Variants in SLC25A37 observed in about 807,000 individuals in gnomAD.
SLC25A37 encodes the protein mitoferrin-1.
In SLC25A37, 17 loss-of-function variants were observed where a neutral mutation model predicts 31.0. The observed-to-expected ratio is 0.55, with a 90% CI of 0.38 to 0.82. SLC25A37 has a LOEUF of 0.82. Among genes scored for constraint, SLC25A37 ranks in the 40% least tolerant of loss-of-function variants. The pLI is 0.00. For synonymous variants in SLC25A37, 222 were observed against 193.0 expected (o/e 1.15, Z -1.24); for missense variants, 404 against 465.8 (o/e 0.87, Z 1.22).
chr8:23,532,075 T>A (rs559480418), intron 1 of SLC25A37: 2 of 152,194 alleles, frequency 1.3e-5, no homozygotes, highest in African/African-American at 4.8e-5. Context: ...CAAACAAATA[T>A]GAAAACCACT....
In SLC25A37 at chr8:23,573,858, C is replaced by T. The variant is rs1245309109; in HGVS notation, c.*2003C>T. On this transcript the variant is annotated 3_prime_UTR_variant, in exon 4 of 4. Coordinates refer to ENST00000519973, the MANE Select transcript of SLC25A37 (RefSeq NM_016612.4). ...CCCCAAAACCAGTTGCAGCCTCAAC[C>T]CACATGGGGATGTAGAAAGCCGTAA... The T allele has an allele frequency of 2.2e-6, 1 of 456,586 alleles. No individual in the cohort carries two copies. Among genetic ancestry groups the T allele is most frequent in the African/African-American group, 2.0e-5 (1 of 50,074 alleles). 28.3% of individuals were successfully genotyped at this position (456,586 alleles called of 1,614,324 possible). A position where few individuals can be genotyped will look rare whatever the true frequency, so the allele number is the denominator to read the frequency against.
At chr8:23,547,707 C>T (rs1802105107) in intron 1 of SLC25A37, among the ~76,000 whole-genome samples, 1 of 152,212 alleles carries the variant, frequency 6.6e-6, no homozygotes, top group African/African-American at 2.4e-5. Context: ...GCCCATGTAC[C>T]ATGTTGGGCC....
At chr8:23,539,374 C>T (rs748329953) in intron 1 of SLC25A37, among the ~76,000 whole-genome samples, 9 of 152,136 alleles carry the variant, frequency 5.9e-5, no homozygotes, top group African/African-American at 9.7e-5. Context: ...TGGCTGGCCA[C>T]GTGGTCTGTG....
chr8:23,533,097 T>G (rs1801693975), intron 1 of SLC25A37, among the ~76,000 whole-genome samples: 1 of 152,212 alleles, frequency 6.6e-6, no homozygotes, highest in Non-Finnish European at 1.5e-5. Context: ...AAGGCGAATT[T>G]GGAACGAGGA....
At chr8:23,561,969 A>G (rs1802527310) in intron 1 of SLC25A37, among the ~76,000 whole-genome samples, 1 of 152,202 alleles carries the variant, frequency 6.6e-6, no homozygotes, top group South Asian at 2.1e-4. Flanking sequence ...CAGAGCCAGC[A>G]TCAGGTCCAA....
chr8:23,557,634 C>A (rs577763096), intron 1 of SLC25A37, among the ~76,000 whole-genome samples: 184 of 152,214 alleles, frequency 1.2e-3, no homozygotes, highest in African/African-American at 4.2e-3. Flanking sequence ...CAGCAGACCC[C>A]AGTGAAGCAG....
chr8:23,541,044 T>C (rs1042061670), intron 1 of SLC25A37, among the ~76,000 whole-genome samples: 2 of 152,210 alleles, frequency 1.3e-5, no homozygotes, highest in Non-Finnish European at 2.9e-5. Context: ...GCACTTAACC[T>C]CTCTCCTTAC....
chr8:23,550,158 G>A (rs1802182583), intron 1 of SLC25A37, among the ~76,000 whole-genome samples: 1 of 116,882 alleles, frequency 8.6e-6, no homozygotes, highest in Non-Finnish European at 1.6e-5. Context: ...TCCAGCCTGG[G>A]CAACAAGAGC....
intron 2 of SLC25A37, chr8:23,566,653 G>A: frequency 9.3e-7 from 1 of 1,079,478 alleles, no homozygotes; most frequent in South Asian, 3.0e-5. Flanking sequence ...ACATTCAAAA[G>A]CAATTAATGA....
At chr8:23,534,845 A>T (rs980186777) in intron 1 of SLC25A37, among the ~76,000 whole-genome samples, 1 of 152,138 alleles carries the variant, frequency 6.6e-6, no homozygotes, top group Non-Finnish European at 1.5e-5. Flanking sequence ...GTCTGCTCTC[A>T]TCTTTATCTT....
At chr8:23,542,833 C>T (rs1801933339) in intron 1 of SLC25A37, among the ~76,000 whole-genome samples, 1 of 151,858 alleles carries the variant, frequency 6.6e-6, no homozygotes, top group South Asian at 2.1e-4. Context: ...GATCCTGACC[C>T]TCTGTAAGCC....
intron 1 of SLC25A37, among the ~76,000 whole-genome samples, chr8:23,532,224 C>T (rs191832599): frequency 1.1e-4 from 17 of 152,300 alleles, no homozygotes; most frequent in Non-Finnish European, 2.4e-4. Context: ...GGGATGTGAG[C>T]ACTCATTCAT....
intron 1 of SLC25A37, among the ~76,000 whole-genome samples, chr8:23,559,335 G>A (rs115474961): frequency 1.3e-5 from 2 of 150,256 alleles, no homozygotes; most frequent in Non-Finnish European, 3.0e-5. Flanking sequence ...CTCTGTCTCC[G>A]GTTGTGTGTG....
intron 1 of SLC25A37, among the ~76,000 whole-genome samples, chr8:23,541,064 C>T (rs1276547041): frequency 6.6e-6 from 1 of 152,196 alleles, no homozygotes; most frequent in Non-Finnish European, 1.5e-5. Flanking sequence ...CAGTGTCTCC[C>T]ATCTGTTGAG....
Position 23,571,462 on chromosome 8 carries a change from C to T in SLC25A37, c.624C>T (p.Asn208=). ...YRSYTTQLTM[N]IPFQSIHFIT... ...GCTACACCACGCAGCTGACCATGAA[C>T]ATCCCCTTCCAGTCCATCCACTTCA... is the stretch of plus-strand genomic sequence containing the variant. Residue 208 remains asparagine, a synonymous_variant, in exon 4 of 4, where the codon AAC becomes AAT. Transcript: ENST00000519973. 2 of 1,614,062 alleles carry T rather than the reference C, an allele frequency of 1.2e-6. No individual in the cohort carries two copies. The highest frequency in any genetic ancestry group is 1.1e-5 in the South Asian group (1 of 91,084).
intron 1 of SLC25A37, among the ~76,000 whole-genome samples, chr8:23,534,197 C>T (rs1801718286): frequency 6.6e-6 from 1 of 152,152 alleles, no homozygotes. Flanking sequence ...AAGCGATCCT[C>T]CCACCTTGGC....
Position 23,529,221 on chromosome 8 carries a change from C to T in SLC25A37, c.210+9C>T, listed in dbSNP as rs1002164103. The T allele has an allele frequency of 2.5e-6, 4 of 1,602,304 alleles. No homozygotes were observed. Among genetic ancestry groups the T allele is most frequent in the Admixed American group, 1.7e-5 (1 of 58,874 alleles). On this transcript the variant is annotated intron_variant, in intron 1 of 3. Coordinates refer to ENST00000519973, the MANE Select transcript of SLC25A37 (RefSeq NM_016612.4). The surrounding 1 kb of genome is among the most constrained non-coding windows in gnomAD (Gnocchi z 4.1). ...CGGTGGACTCGGTGAAGGTGAGGCG[C>T]GGGGAGACTTCGGGGACGCAACGAG... is the stretch of plus-strand genomic sequence containing the variant.
At position 23,571,242 on chromosome 8, in the gene SLC25A37, A is replaced by G. The variant is rs1357108476; in HGVS notation, c.497-93A>G. On this transcript the variant is annotated intron_variant, in intron 3 of 3. Coordinates refer to ENST00000519973, the MANE Select transcript of SLC25A37 (RefSeq NM_016612.4). The stretch of plus-strand genomic sequence containing the variant: ...GTGTCTAACTGGCTTGTTTCTCTTT[A>G]TGGCTTGGCTTCATTCCGACCTGGG... The G allele has an allele frequency of 5.0e-6, 7 of 1,405,772 alleles. No individual in the cohort carries two copies. The African/African-American group carries it at 5.8e-5, about 12-fold the overall frequency. 87.1% of individuals were successfully genotyped at this position (1,405,772 alleles called of 1,614,324 possible). A position where few individuals can be genotyped will look rare whatever the true frequency, so the allele number is the denominator to read the frequency against.
At chr8:23,554,810 C>T (rs1802319984) in intron 1 of SLC25A37, among the ~76,000 whole-genome samples, 1 of 152,200 alleles carries the variant, frequency 6.6e-6, no homozygotes, top group Admixed American at 6.5e-5. Flanking sequence ...ACCAGCCTGT[C>T]CAGGGGCCTG....
Sources: gnomAD v4.1 joint callset for allele counts (sites outside exome capture counted in the v4.1 genomes callset) on GRCh38, gnomAD v4.1.1 for gene constraint, Gnocchi (gnomAD v3.1) non-coding constraint, MANE v1.5 for transcripts, NCBI Gene and HGNC (gene_info 2026-07-23, HGNC 2026-07-21) for gene names.